The following TMEM98 variants were observed in gnomAD, a reference collection of about 807,000 sequenced individuals.
TMEM98 encodes transmembrane protein 98.
In TMEM98, 18 loss-of-function variants were observed where a neutral mutation model predicts 25.0. That is an observed-to-expected ratio of 0.72 (90% CI 0.50 to 1.07). TMEM98 has a LOEUF of 1.07. Among genes scored for constraint, TMEM98 ranks in the 50% least tolerant of loss-of-function variants. TMEM98 has a pLI of 0.00. For missense variants in TMEM98, 241 were observed against 289.0 expected, an observed-to-expected ratio of 0.83 and a Z score of 1.20; for synonymous variants, 103 against 112.4, an observed-to-expected ratio of 0.92 and a Z score of 0.53.
intron 6 of TMEM98, among the ~76,000 whole-genome samples, chr17:32,938,215 A>T (rs1283098390): frequency 6.6e-6 from 1 of 151,946 alleles, no homozygotes; most frequent in East Asian, 1.9e-4. Flanking sequence ...TTGCCCTCAC[A>T]CTTCTTTCTC....
rs1030857435 is a variant in TMEM98 at position 32,941,063 on chromosome 17, A to G, written c.*70A>G. 1.5e-6 allele frequency: 2 copies of G among 1,338,510 alleles called. No homozygotes were observed. The highest frequency in any genetic ancestry group is 2.5e-5 in the East Asian group (1 of 39,824). The allele number at this position is 1,338,510 out of a possible 1,614,324, so 82.9% of individuals were successfully genotyped here. ...CCTGGATGGCTCAGCTTAGCCTTCT[A>G]CTTTTTCCTATAGAGTTAGTTGTTC... On this transcript the variant is annotated 3_prime_UTR_variant, in exon 8 of 8. Transcript: ENST00000579849.
chr17:32,942,656 TA>T lies in TMEM98; in HGVS notation c.*1666del, dbSNP rs138799395. Reference sequence around the variant, plus strand: ...AAGCTGGAGCTCAACTCTCATGGACTAAAGGATGGATTCTGGATGGGCTCCA... The same window carrying T: ...AAGCTGGAGCTCAACTCTCATGGACTAAGGATGGATTCTGGATGGGCTCCA... On this transcript the variant is annotated 3_prime_UTR_variant, in exon 8 of 8. Transcript: ENST00000579849. 12,292 of 152,276 alleles carry T rather than the reference TA, an allele frequency of 0.081. 578 individuals carry two copies. The highest frequency in any genetic ancestry group is 0.094 in the Non-Finnish European group (6,384 of 68,034). The allele number at this position is 152,276 out of a possible 1,614,324, so 9.4% of individuals were successfully genotyped here. A position where few individuals can be genotyped will look rare whatever the true frequency, so the allele number is the denominator to read the frequency against.
At position 32,933,157 on chromosome 17, in the gene TMEM98, G is replaced by A. The variant is rs781642977; in HGVS notation, c.132-17G>A. ...TCACCCACCATGAAACCATTTAACG[G>A]GGGCCTTTTCTTCCAGGCCCATTGT... On this transcript the variant is annotated splice_polypyrimidine_tract_variant and intron_variant, in intron 3 of 7. Coordinates refer to ENST00000579849, the MANE Select transcript of TMEM98 (RefSeq NM_015544.3). 2.5e-6 allele frequency: 4 copies of A among 1,613,750 alleles called. No homozygotes were observed. Among genetic ancestry groups the A allele is most frequent in the Admixed American group, 3.3e-5 (2 of 59,992 alleles).
At chr17:32,928,852 C>T (rs1230939871) in intron 1 of TMEM98, among the ~76,000 whole-genome samples, 1 of 148,512 alleles carries the variant, frequency 6.7e-6, no homozygotes, top group African/African-American at 2.6e-5. Flanking sequence ...CACAGAAGCA[C>T]ACTCAGAAAC....
rs1338005229 is a variant in TMEM98, at chr17:32,941,007, G to A, written c.*14G>A. ...TCTGCAATTTAGTGCCTACAGGCCA[G>A]CAGCTAGCCATGAAGGCCCCTGCCG... On this transcript the variant is annotated 3_prime_UTR_variant, in exon 8 of 8. Coordinates refer to ENST00000579849, the MANE Select transcript of TMEM98 (RefSeq NM_015544.3). 1.9e-6 allele frequency: 3 copies of A among 1,582,730 alleles called. No homozygotes were observed. The African/African-American group carries it at 4.1e-5, about 21-fold the overall frequency.
chr17:32,939,419 A>AGG, intron 6 of TMEM98, 58 bp from the exon 7 acceptor site: 1 of 1,437,000 alleles, frequency 7.0e-7, no homozygotes, highest in Non-Finnish European at 9.1e-7. Flanking sequence ...GAAAAAAAAA[A>AGG]AAAGGAGAAA....
In TMEM98 at chr17:32,942,387, T is replaced by G. The variant is rs1253236816; in HGVS notation, c.*1394T>G. On this transcript the variant is annotated 3_prime_UTR_variant, in exon 8 of 8. Coordinates refer to ENST00000579849, the MANE Select transcript of TMEM98 (RefSeq NM_015544.3). Reference sequence around the variant, plus strand: ...GGCTGCCCAGGTTCGTAGCCTATGCTGTCAAGCATGTTTGGAGTTGCACAT... The same window carrying G: ...GGCTGCCCAGGTTCGTAGCCTATGCGGTCAAGCATGTTTGGAGTTGCACAT... 1 of 152,266 alleles carries G rather than the reference T, an allele frequency of 6.6e-6. No individual in the cohort carries two copies. The highest frequency in any genetic ancestry group is 2.4e-5 in the African/African-American group (1 of 41,476). 9.4% of individuals were successfully genotyped at this position (152,266 alleles called of 1,614,324 possible).
chr17:32,932,427 T>C (rs906253895), intron 3 of TMEM98, among the ~76,000 whole-genome samples: 8 of 152,298 alleles, frequency 5.3e-5, no homozygotes, highest in Middle Eastern at 3.4e-3. Context: ...TTGTGATGCA[T>C]TGTATGTGAA....
In TMEM98 at chr17:32,942,756, A is replaced by G. The variant is rs1172073231; in HGVS notation, c.*1763A>G. 1.3e-5 allele frequency: 2 copies of G among 152,172 alleles called. No homozygotes were observed. Among genetic ancestry groups the G allele is most frequent in the African/African-American group, 4.8e-5 (2 of 41,444 alleles). The allele number at this position is 152,172 out of a possible 1,614,324, so 9.4% of individuals were successfully genotyped here. A position where few individuals can be genotyped will look rare whatever the true frequency, so the allele number is the denominator to read the frequency against. On this transcript the variant is annotated 3_prime_UTR_variant, in exon 8 of 8. Coordinates refer to ENST00000579849, the MANE Select transcript of TMEM98 (RefSeq NM_015544.3). Reference sequence around the variant, plus strand: ...AAGTGGTGAACTTTCCCGTCCTGTCAAGCTGTGAATGGGGAATGTATACAA... The same window carrying G: ...AAGTGGTGAACTTTCCCGTCCTGTCGAGCTGTGAATGGGGAATGTATACAA...
chr17:32,930,054 C>A (rs1260711411), intron 1 of TMEM98, among the ~76,000 whole-genome samples: 1 of 152,020 alleles, frequency 6.6e-6, no homozygotes, highest in Non-Finnish European at 1.5e-5. Context: ...TTTGGACCCT[C>A]CGAGACATGG....
intron 6 of TMEM98, among the ~76,000 whole-genome samples, chr17:32,938,398 C>T (rs376340481): frequency 5.3e-5 from 8 of 152,326 alleles, no homozygotes; most frequent in African/African-American, 1.9e-4. Flanking sequence ...ACCGGCTCCA[C>T]AGCCGTGAAT....
intron 6 of TMEM98, among the ~76,000 whole-genome samples, chr17:32,937,876 C>T (rs1717039036): frequency 6.6e-6 from 1 of 152,182 alleles, no homozygotes; most frequent in African/African-American, 2.4e-5. Context: ...TAGGTGTGAG[C>T]CACCACACCC....
At position 32,934,289 on chromosome 17, in the gene TMEM98, A is replaced by T. The variant is rs1195675378; in HGVS notation, c.264-2A>T. 10 of 1,614,104 alleles carry T rather than the reference A, an allele frequency of 6.2e-6. No individual in the cohort carries two copies. Among genetic ancestry groups the T allele is most frequent in the Non-Finnish European group, 7.6e-6 (9 of 1,180,014 alleles). On this transcript the variant is annotated splice_acceptor_variant, in intron 4 of 7. Transcript: ENST00000579849. LOFTEE classifies it high-confidence loss of function. Reference sequence around the variant, plus strand: ...ACTGATGACTTCTTCTTGTTTCCCCAGGGGTCTCATGTCCCACTGCATTGC... The same window carrying T: ...ACTGATGACTTCTTCTTGTTTCCCCTGGGGTCTCATGTCCCACTGCATTGC...
chr17:32,941,156 T>C lies in TMEM98; in HGVS notation c.*163T>C. The stretch of plus-strand genomic sequence containing the variant: ...GAGATCCCCGTCAGTTTATGCCTCT[T>C]TTGCAGTTGCAAACTGTGGCTGGTG... On this transcript the variant is annotated 3_prime_UTR_variant, in exon 8 of 8. Coordinates refer to ENST00000579849, the MANE Select transcript of TMEM98 (RefSeq NM_015544.3). The C allele has an allele frequency of 1.6e-6, 1 of 629,642 alleles. No homozygotes were observed. The highest frequency in any genetic ancestry group is 2.7e-6 in the Non-Finnish European group (1 of 374,002). 39.0% of individuals were successfully genotyped at this position (629,642 alleles called of 1,614,324 possible). A position where few individuals can be genotyped will look rare whatever the true frequency, so the allele number is the denominator to read the frequency against.
intron 6 of TMEM98, among the ~76,000 whole-genome samples, chr17:32,937,209 G>A (rs1483369781): frequency 6.6e-6 from 1 of 152,222 alleles, no homozygotes; most frequent in Non-Finnish European, 1.5e-5. Flanking sequence ...GGGCACCTCT[G>A]TATGCCTGCT....
At chr17:32,935,529 A>T (rs571153748) in intron 5 of TMEM98, among the ~76,000 whole-genome samples, 1 of 152,124 alleles carries the variant, frequency 6.6e-6, no homozygotes, top group East Asian at 1.9e-4. Flanking sequence ...TTGGGATCTT[A>T]AGACTCTTTT....
In TMEM98 at chr17:32,933,448, A is replaced by C; in HGVS notation, c.263+143A>C. The C allele has an allele frequency of 6.8e-6, 8 of 1,168,896 alleles. No individual in the cohort carries two copies. In the South Asian group the frequency reaches 1.0e-4, roughly 15 times the overall value. 72.4% of individuals were successfully genotyped at this position (1,168,896 alleles called of 1,614,324 possible). ...TTTCCTGTGCCTTTAGTGTGGGGGAAAATCAGAATATGACTTGAAAGTGTT... is the reference window on the plus strand; with the variant it reads ...TTTCCTGTGCCTTTAGTGTGGGGGACAATCAGAATATGACTTGAAAGTGTT... On this transcript the variant is annotated intron_variant, in intron 4 of 7. Coordinates refer to ENST00000579849, the MANE Select transcript of TMEM98 (RefSeq NM_015544.3).
At chr17:32,931,035 TCTACTAAA>T (rs2091465614) in intron 1 of TMEM98, 1 of 153,348 alleles carries the variant, frequency 6.5e-6, no homozygotes, top group African/African-American at 2.4e-5. Flanking sequence ...AAACCCCGTC[TCTACTAAA>T]AATACAAAAA....
In TMEM98 at chr17:32,931,413, C is replaced by T. The variant is rs1399524645; in HGVS notation, c.-55+11C>T. The T allele has an allele frequency of 1.4e-6, 2 of 1,434,234 alleles. No individual in the cohort carries two copies. Among genetic ancestry groups the T allele is most frequent in the East Asian group, 2.5e-5 (1 of 39,896 alleles). The allele number at this position is 1,434,234 out of a possible 1,614,324, so 88.8% of individuals were successfully genotyped here. A position where few individuals can be genotyped will look rare whatever the true frequency, so the allele number is the denominator to read the frequency against. On this transcript the variant is annotated intron_variant, in intron 2 of 7. Coordinates refer to ENST00000579849, the MANE Select transcript of TMEM98 (RefSeq NM_015544.3). ...TGCCACTTCCAGCAGGTAAGACCCA[C>T]CTGTCCCACTCTCTTTCGTGGCTTC...
Sources: allele counts gnomAD v4.1 joint callset (sites outside exome capture counted in the v4.1 genomes callset), GRCh38; gene constraint gnomAD v4.1.1; transcripts MANE v1.5; gene names NCBI Gene and HGNC (gene_info 2026-07-23, HGNC 2026-07-21).